Variants in SQSTM1 observed in about 807,000 individuals in gnomAD.
SQSTM1 encodes the protein sequestosome 1.
In SQSTM1, 36 loss-of-function variants were observed where a neutral mutation model predicts 45.1. The ratio of observed to expected loss-of-function variants is 0.80; its 90% CI spans 0.61 to 1.05. SQSTM1 has a LOEUF of 1.05. Among genes scored for constraint, SQSTM1 ranks in the 50% least tolerant of loss-of-function variants. The probability of loss-of-function intolerance (pLI) is 0.00; values close to 1 mark genes in which losing one functional copy is unlikely to be tolerated. For missense variants in SQSTM1, 617 were observed against 607.1 expected (o/e 1.02, Z -0.17); for synonymous variants, 290 against 244.3 (o/e 1.19, Z -1.74).
intron 7 of SQSTM1, 81 bp downstream of exon 7, chr5:179,833,863 A>C: frequency 6.8e-7 from 1 of 1,479,526 alleles, no homozygotes; most frequent in Non-Finnish European, 9.4e-7. Flanking sequence ...CAGCGACACA[A>C]ACAGAAGGAT....
chr5:179,820,798 G>A, upstream of SQSTM1: 2 of 822,632 alleles, frequency 2.4e-6, no homozygotes, highest in Non-Finnish European at 3.5e-6. Context: ...CTCTCGCGCC[G>A]CGACGACGGT....
chr5:179,817,882 A>T (rs185653), upstream of SQSTM1, among the ~76,000 whole-genome samples: 1 of 151,994 alleles, frequency 6.6e-6, no homozygotes, highest in East Asian at 1.9e-4. Flanking sequence ...GGTGGCAGGC[A>T]CCTGTAGTCC....
intron 7 of SQSTM1, among the ~76,000 whole-genome samples, chr5:179,834,913 G>T (rs1758447129): frequency 6.6e-6 from 1 of 152,242 alleles, no homozygotes. Context: ...TCAATGAGCT[G>T]TTGGGTACAC....
chr5:179,829,617 A>T (rs1291253800), intron 5 of SQSTM1, among the ~76,000 whole-genome samples: 4 of 152,258 alleles, frequency 2.6e-5, no homozygotes, highest in Non-Finnish European at 4.4e-5. Context: ...TAGAAAAAAA[A>T]CTTCAAAAGA....
At chr5:179,833,551 G>T (rs202043051) in intron 6 of SQSTM1, 36 bp from the exon 7 acceptor site, 15 of 1,611,198 alleles carry the variant, frequency 9.3e-6, no homozygotes, top group Non-Finnish European at 1.3e-5. Context: ...CCTGTTGCGC[G>T]TGTCTCCTGT....
intron 7 of SQSTM1, among the ~76,000 whole-genome samples, chr5:179,834,589 C>A (rs369012766): frequency 1.3e-5 from 2 of 151,578 alleles, no homozygotes; most frequent in African/African-American, 4.9e-5. Flanking sequence ...TCCCTGGGTA[C>A]TTGAGATTAG....
At chr5:179,814,761 A>G (rs950993349), upstream of SQSTM1, among the ~76,000 whole-genome samples, 1 of 152,210 alleles carries the variant, frequency 6.6e-6, no homozygotes, top group African/African-American at 2.4e-5. Flanking sequence ...AGTTAAATGC[A>G]GAAAAATATT....
chr5:179,819,359 C>A (rs1389141516), upstream of SQSTM1, among the ~76,000 whole-genome samples: 3 of 152,052 alleles, frequency 2.0e-5, no homozygotes, highest in African/African-American at 4.8e-5. Flanking sequence ...TGCCCCTAGC[C>A]CCCGCGGAAA....
At chr5:179,824,464 A>G in intron 4 of SQSTM1, 141 bp downstream of exon 4, 1 of 1,293,154 alleles carries the variant, frequency 7.7e-7, no homozygotes, top group Non-Finnish European at 1.1e-6. Flanking sequence ...TCACACAAGA[A>G]CCCTGCAAAG....
At chr5:179,833,933 CTATTA>C in intron 7 of SQSTM1, 151 bp downstream of exon 7, 1 of 831,468 alleles carries the variant, frequency 1.2e-6, no homozygotes, top group Admixed American at 2.0e-5. Context: ...TGGTTTTGTC[CTATTA>C]TGTGTACCCT....
chr5:179,824,403 G>A, intron 4 of SQSTM1, 80 bp downstream of exon 4: 2 of 1,601,434 alleles, frequency 1.2e-6, no homozygotes, highest in Non-Finnish European at 1.7e-6. Flanking sequence ...TGCAAAGCGT[G>A]TGTGCAAGGC....
intron 5 of SQSTM1, among the ~76,000 whole-genome samples, chr5:179,830,850 C>T (rs376532996): frequency 1.3e-5 from 2 of 152,132 alleles, no homozygotes; most frequent in Admixed American, 6.5e-5. Flanking sequence ...GCCACTGTGC[C>T]CAGCCCCGTG....
intron 2 of SQSTM1, chr5:179,811,805 C>G (rs1757413760): frequency 6.6e-6 from 1 of 152,146 alleles, no homozygotes; most frequent in African/African-American, 2.4e-5. Flanking sequence ...TGGCCTTTTC[C>G]TTACTTCTGG....
At chr5:179,808,693 C>T (rs920458048) in intron 1 of SQSTM1, among the ~76,000 whole-genome samples, 34 of 152,168 alleles carry the variant, frequency 2.2e-4, no homozygotes, top group African/African-American at 8.2e-4. Context: ...TGGCTCATGC[C>T]TGTAATCCCA....
At chr5:179,830,682 C>T (rs939698439) in intron 5 of SQSTM1, among the ~76,000 whole-genome samples, 18 of 152,134 alleles carry the variant, frequency 1.2e-4, no homozygotes, top group East Asian at 5.8e-4. Context: ...CTCAGCCTCC[C>T]GAGTAGCTGG....
At chr5:179,815,916 GC>G (rs1757562856), upstream of SQSTM1, among the ~76,000 whole-genome samples, 1 of 151,078 alleles carries the variant, frequency 6.6e-6, no homozygotes. Context: ...AACTACCTGA[GC>G]CCACATAGTC....
At chr5:179,817,003 G>A (rs1485563778), upstream of SQSTM1, among the ~76,000 whole-genome samples, 1 of 152,160 alleles carries the variant, frequency 6.6e-6, no homozygotes, top group African/African-American at 2.4e-5. Flanking sequence ...AGAACACCGG[G>A]GACTTGCGGG....
Position 179,820,999 on chromosome 5 carries a change from C to T in SQSTM1, c.63C>T (p.Arg21=). 1.9e-6 allele frequency: 3 copies of T among 1,574,540 alleles called. No individual in the cohort carries two copies. Among genetic ancestry groups the T allele is most frequent in the African/African-American group, 1.4e-5 (1 of 71,496 alleles). The change falls in exon 1 of 8, where the codon CGC becomes CGT. Residue 21 remains arginine, a synonymous_variant. Transcript: ENST00000389805. The part of the protein sequence containing the change: ...LGKEDAAREI[R]RFSFCCSPEP... Reference sequence around the variant, plus strand: ...AGGAGGACGCGGCGCGCGAGATTCGCCGCTTCAGCTTCTGCTGCAGCCCCG... The same window carrying T: ...AGGAGGACGCGGCGCGCGAGATTCGTCGCTTCAGCTTCTGCTGCAGCCCCG...
rs372880666 is a variant in SQSTM1, at chr5:179,837,736, C to G, written c.*1143C>G. 1.1e-4 allele frequency: 170 copies of G among 1,614,138 alleles called. No individual in the cohort carries two copies. The highest frequency in any genetic ancestry group is 1.4e-4 in the Non-Finnish European group (166 of 1,180,048). ...TTCTAGGTGGCAGGACAAATTGCGC[C>G]CATTTAGAGGATGTGGCTGTAACCT... On this transcript the variant is annotated 3_prime_UTR_variant, in exon 8 of 8. Coordinates refer to ENST00000389805, the MANE Select transcript of SQSTM1 (RefSeq NM_003900.5).
Sources: gnomAD v4.1 joint callset for allele counts (sites outside exome capture counted in the v4.1 genomes callset) on GRCh38, gnomAD v4.1.1 for gene constraint, MANE v1.5 for transcripts, NCBI Gene and HGNC (gene_info 2026-07-23, HGNC 2026-07-21) for gene names.